The following ITGBL1 variants were observed in gnomAD, a reference collection of about 807,000 sequenced individuals.
ITGBL1 encodes integrin subunit beta like 1.
A neutral mutation model predicts 68.5 loss-of-function variants in ITGBL1; 51 were observed. The observed-to-expected ratio is 0.74, with a 90% CI of 0.59 to 0.94. The LOEUF (loss-of-function observed/expected upper bound fraction) is 0.94, where lower values mean the gene tolerates loss of function less well. Among genes scored for constraint, ITGBL1 ranks in the 40% least tolerant of loss-of-function variants. ITGBL1 has a pLI of 0.00. For synonymous variants in ITGBL1, 209 were observed against 227.3 expected (o/e 0.92, Z 0.72); for missense variants, 649 against 647.4 (o/e 1.00, Z -0.03).
intron 2 of ITGBL1, among the ~76,000 whole-genome samples, chr13:101,495,226 G>C (rs1391321231): frequency 6.6e-6 from 1 of 152,188 alleles, no homozygotes; most frequent in Non-Finnish European, 1.5e-5. Context: ...AGCAGGAATG[G>C]TGGCTGAGAC....
chr13:101,668,935 A>G (rs2033289048), intron 7 of ITGBL1, among the ~76,000 whole-genome samples: 1 of 152,162 alleles, frequency 6.6e-6, no homozygotes, highest in Non-Finnish European at 1.5e-5. Flanking sequence ...ATGAGGAAGC[A>G]CACATTCCTA....
chr13:101,578,658 T>C (rs2050403705), intron 4 of ITGBL1, among the ~76,000 whole-genome samples: 1 of 152,148 alleles, frequency 6.6e-6, no homozygotes, highest in South Asian at 2.1e-4. Context: ...TACCTGTCAT[T>C]TGTATCCCCT....
At chr13:101,510,341 C>G (rs942269272) in intron 2 of ITGBL1, among the ~76,000 whole-genome samples, 1 of 152,076 alleles carries the variant, frequency 6.6e-6, no homozygotes, top group Admixed American at 6.6e-5. Context: ...AACATGATTT[C>G]ATTCTTTTTT....
At chr13:101,547,422 C>A (rs2049845395) in intron 2 of ITGBL1, among the ~76,000 whole-genome samples, 1 of 151,686 alleles carries the variant, frequency 6.6e-6, no homozygotes, top group African/African-American at 2.4e-5. Context: ...TAATTTTATT[C>A]TTTCTTGTTT....
At chr13:101,654,840 C>T (rs1355130226) in intron 7 of ITGBL1, among the ~76,000 whole-genome samples, 1 of 152,032 alleles carries the variant, frequency 6.6e-6, no homozygotes, top group East Asian at 1.9e-4. Flanking sequence ...GCAACATTTC[C>T]AGGTCTGGGA....
intron 2 of ITGBL1, among the ~76,000 whole-genome samples, chr13:101,492,817 A>G (rs1252799248): frequency 6.6e-6 from 1 of 152,098 alleles, no homozygotes; most frequent in Non-Finnish European, 1.5e-5. Flanking sequence ...TCACTGTACA[A>G]TCCTCTTTTG....
chr13:101,678,502 C>CTTT (rs34943103), intron 7 of ITGBL1, among the ~76,000 whole-genome samples: 5 of 143,234 alleles, frequency 3.5e-5, no homozygotes, highest in Non-Finnish European at 4.6e-5. Context: ...TTCACTGAGA[C>CTTT]TTTTTTTTTT....
chr13:101,510,631 C>A (rs2049100755), intron 2 of ITGBL1, among the ~76,000 whole-genome samples: 1 of 152,066 alleles, frequency 6.6e-6, no homozygotes, highest in Non-Finnish European at 1.5e-5. Flanking sequence ...TACGAGTTCT[C>A]TTTTTCCTGC....
intron 7 of ITGBL1, among the ~76,000 whole-genome samples, chr13:101,630,349 T>C (rs781283606): frequency 8.5e-5 from 13 of 152,190 alleles, no homozygotes; most frequent in Non-Finnish European, 1.6e-4. Context: ...TCTTTCTCTC[T>C]AAATGCTCCA....
intron 7 of ITGBL1, among the ~76,000 whole-genome samples, chr13:101,636,032 C>T (rs952856743): frequency 1.9e-4 from 29 of 152,066 alleles, no homozygotes; most frequent in Admixed American, 1.8e-3. Flanking sequence ...TAATTATTTA[C>T]TCAGTGATGA....
At chr13:101,694,163 C>G (rs1190519803) in intron 8 of ITGBL1, among the ~76,000 whole-genome samples, 3 of 152,108 alleles carry the variant, frequency 2.0e-5, no homozygotes, top group Non-Finnish European at 4.4e-5. Flanking sequence ...TAGAGTGACA[C>G]CAACGTGTTT....
chr13:101,471,435 GT>G (rs2048455634), intron 2 of ITGBL1, among the ~76,000 whole-genome samples: 1 of 151,936 alleles, frequency 6.6e-6, no homozygotes, highest in South Asian at 2.1e-4. Flanking sequence ...GGTCTTTGTT[GT>G]TATTGCTTCA....
Position 101,670,062 on chromosome 13 carries a change from G to A in ITGBL1, c.1016-22523G>A, listed in dbSNP as rs79574338. Among the ~76,000 whole-genome samples, 1,035 of 152,204 alleles carry A rather than the reference G, an allele frequency of 6.8e-3. 11 individuals are homozygous for A. Among genetic ancestry groups the A allele is most frequent in the African/African-American group, 0.023 (949 of 41,528 alleles). On this transcript the variant is annotated intron_variant, in intron 7 of 10. Coordinates refer to ENST00000376180, the MANE Select transcript of ITGBL1 (RefSeq NM_004791.3). ...GTCTGATGCTGGAAAATGTCTTGAA[G>A]GCCCAGAAGAGCAATGTCTTCCTCC...
At chr13:101,690,025 A>G (rs1383006606) in intron 7 of ITGBL1, among the ~76,000 whole-genome samples, 3 of 152,170 alleles carry the variant, frequency 2.0e-5, no homozygotes, top group African/African-American at 7.2e-5. Context: ...TATAAACTGT[A>G]TTAGGGTTAC....
chr13:101,681,544 G>A (rs1351317861), intron 7 of ITGBL1, among the ~76,000 whole-genome samples: 1 of 152,118 alleles, frequency 6.6e-6, no homozygotes, highest in African/African-American at 2.4e-5. Context: ...GTTAGTGGGC[G>A]ACTGTGTCTG....
intron 7 of ITGBL1, among the ~76,000 whole-genome samples, chr13:101,602,075 C>T (rs2030420235): frequency 6.6e-6 from 1 of 151,950 alleles, no homozygotes; most frequent in South Asian, 2.1e-4. Flanking sequence ...CCTACTTTAG[C>T]CTTAAGGTAT....
chr13:101,698,863 G>T (rs909050203), intron 8 of ITGBL1, among the ~76,000 whole-genome samples: 1 of 152,126 alleles, frequency 6.6e-6, no homozygotes, highest in Non-Finnish European at 1.5e-5. Flanking sequence ...ATAAGAACTA[G>T]GCTGCTTATT....
intron 8 of ITGBL1, among the ~76,000 whole-genome samples, chr13:101,704,387 C>T (rs1396789205): frequency 7.0e-6 from 1 of 143,834 alleles, no homozygotes; most frequent in Non-Finnish European, 1.5e-5. Context: ...TCTGAAAGCC[C>T]AAAATTTAAT....
At chr13:101,671,972 C>G (rs1251624252) in intron 7 of ITGBL1, among the ~76,000 whole-genome samples, 1 of 152,106 alleles carries the variant, frequency 6.6e-6, no homozygotes, top group Non-Finnish European at 1.5e-5. Context: ...GTACTACAGA[C>G]AAAACCTGAA....
Sources: allele counts gnomAD v4.1 joint callset (sites outside exome capture counted in the v4.1 genomes callset), GRCh38; gene constraint gnomAD v4.1.1; transcripts MANE v1.5; gene names NCBI Gene and HGNC (gene_info 2026-07-23, HGNC 2026-07-21).